The following SPINK4 variants were observed in gnomAD, a reference collection of about 807,000 sequenced individuals.
SPINK4 encodes the protein serine peptidase inhibitor Kazal type 4, also known as serine protease inhibitor Kazal-type 4.
In SPINK4, 10 loss-of-function variants were observed where a neutral mutation model predicts 12.3. The ratio of observed to expected loss-of-function variants is 0.81; its 90% CI spans 0.50 to 1.37. The LOEUF (loss-of-function observed/expected upper bound fraction) is 1.37. Among genes scored for constraint, SPINK4 ranks in the 40% most tolerant of loss-of-function variants. The pLI, the probability that SPINK4 is intolerant of heterozygous loss-of-function variation, is 0.00. For synonymous variants in SPINK4, 37 were observed against 40.2 expected, an observed-to-expected ratio of 0.92 and a Z score of 0.30; for missense variants, 91 against 109.0, an observed-to-expected ratio of 0.84 and a Z score of 0.73.
chr9:33,242,875 A>C (rs1285517372), intron 1 of SPINK4, among the ~76,000 whole-genome samples: 6 of 114,772 alleles, frequency 5.2e-5, no homozygotes, highest in African/African-American at 9.4e-5. Flanking sequence ...GTGCTCTGAC[A>C]CTTTTTTTTT....
At chr9:33,240,316 G>A (rs1820220010) in intron 1 of SPINK4, 47 bp downstream of exon 1, 2 of 1,545,190 alleles carry the variant, frequency 1.3e-6, no homozygotes, top group Non-Finnish European at 1.7e-6. Context: ...GTTGGTAGGT[G>A]AGCTTGGGGT....
intron 2 of SPINK4, 61 bp from the exon 3 acceptor site, chr9:33,246,555 C>T (rs1820286904): frequency 2.1e-6 from 3 of 1,458,124 alleles, no homozygotes; most frequent in Non-Finnish European, 2.9e-6. Context: ...GAGCAGAACC[C>T]CTGTATCCCT....
intron 2 of SPINK4, 30 bp downstream of exon 2, chr9:33,245,182 C>G: frequency 6.2e-7 from 1 of 1,609,748 alleles, no homozygotes. Flanking sequence ...TTCTCACCTT[C>G]TCTCTGCTGA....
intron 1 of SPINK4, among the ~76,000 whole-genome samples, chr9:33,244,507 C>A (rs544028969): frequency 2.0e-5 from 3 of 152,158 alleles, no homozygotes; most frequent in African/African-American, 7.2e-5. Context: ...CAGCTTTGGG[C>A]GAGGGGATCA....
In SPINK4 at chr9:33,243,819, C is replaced by T. The variant is rs1026319357; in HGVS notation, c.62-1293C>T. 5.3e-5 allele frequency among the ~76,000 whole-genome samples: 8 copies of T among 152,168 alleles called. No homozygotes were observed. In the South Asian group the frequency reaches 1.5e-3, roughly 28 times the overall value. On this transcript the variant is annotated intron_variant, in intron 1 of 3. Transcript: ENST00000379721. ...GTGACTTAGTCTAAGTTTCTGTTTC[C>T]CTCTCTCTGTGGAAATACCCTGTAA...
At chr9:33,247,947 G>A (rs1820302515) in intron 3 of SPINK4, 1 of 161,490 alleles carries the variant, frequency 6.2e-6, no homozygotes, top group Non-Finnish European at 1.4e-5. Context: ...GGAATTGACA[G>A]GCTTGGTATG....
chr9:33,246,458 G>C (rs1332207481), intron 2 of SPINK4, among the ~76,000 whole-genome samples, 158 bp from the exon 3 acceptor site: 1 of 152,098 alleles, frequency 6.6e-6, no homozygotes, highest in East Asian at 1.9e-4. Context: ...ACACACCAAG[G>C]GGCTCTGAGT....
At chr9:33,240,841 G>A (rs1283901561) in intron 1 of SPINK4, among the ~76,000 whole-genome samples, 2 of 152,202 alleles carry the variant, frequency 1.3e-5, no homozygotes. Context: ...GCACTGTTCT[G>A]AGCCCTTAAG....
At position 33,245,239 on chromosome 9, in the gene SPINK4, G is replaced by A. The variant is rs375296473; in HGVS notation, c.102+87G>A. ...TGAGAAACCAGTTATTCTTCTCCAC[G>A]ATCCTGCTCAGACACCTTCAATGGC... On this transcript the variant is annotated intron_variant, in intron 2 of 3. Transcript: ENST00000379721. 3,397 of 1,425,422 alleles carry A rather than the reference G, an allele frequency of 2.4e-3. 96 individuals carry two copies. In the South Asian group the frequency reaches 0.042, roughly 17 times the overall value. 88.3% of individuals were successfully genotyped at this position (1,425,422 alleles called of 1,614,324 possible). A position where few individuals can be genotyped will look rare whatever the true frequency, so the allele number is the denominator to read the frequency against.
chr9:33,246,164 G>C (rs1045596850), intron 2 of SPINK4, among the ~76,000 whole-genome samples: 2 of 152,186 alleles, frequency 1.3e-5, no homozygotes, highest in Non-Finnish European at 2.9e-5. Context: ...AGGCCAGGGA[G>C]AGTTCAGGAG....
intron 1 of SPINK4, among the ~76,000 whole-genome samples, 171 bp downstream of exon 1, chr9:33,240,440 G>T (rs968063588): frequency 6.6e-6 from 1 of 152,212 alleles, no homozygotes; most frequent in Non-Finnish European, 1.5e-5. Flanking sequence ...TGGGAGAAAA[G>T]AAACTTGGGT....
intron 2 of SPINK4, among the ~76,000 whole-genome samples, chr9:33,245,404 C>G (rs1820275733): frequency 6.6e-6 from 1 of 152,094 alleles, no homozygotes; most frequent in Non-Finnish European, 1.5e-5. Flanking sequence ...GTCCAAGGCC[C>G]CTTCCATCAG....
chr9:33,244,508 G>A (rs978460853), intron 1 of SPINK4, among the ~76,000 whole-genome samples: 5 of 152,210 alleles, frequency 3.3e-5, no homozygotes, highest in East Asian at 1.9e-4. Context: ...AGCTTTGGGC[G>A]AGGGGATCAG....
intron 1 of SPINK4, 128 bp from the exon 2 acceptor site, chr9:33,244,984 C>A: frequency 1.2e-6 from 1 of 835,536 alleles, no homozygotes; most frequent in Non-Finnish European, 1.9e-6. Context: ...TGGCTCATCA[C>A]CTTTCCTTGA....
intron 3 of SPINK4, 45 bp from the exon 4 acceptor site, chr9:33,248,381 C>T (rs747243760): frequency 5.0e-6 from 8 of 1,609,118 alleles, no homozygotes; most frequent in Admixed American, 3.3e-5. Flanking sequence ...TGGTACACTA[C>T]AGCTCCTGAG....
Position 33,248,406 on chromosome 9 carries a change from C to T in SPINK4, c.216-20C>T. 2 of 1,613,808 alleles carry T rather than the reference C, an allele frequency of 1.2e-6. No homozygotes were observed. The highest frequency in any genetic ancestry group is 1.7e-6 in the Non-Finnish European group (2 of 1,179,880). ...CAGCTCCTGAGAAGGTAGCCTCATG[C>T]CTGTCTTCTTTGATCCTAGAAAAAC... On this transcript the variant is annotated intron_variant, in intron 3 of 3. Coordinates refer to ENST00000379721, the MANE Select transcript of SPINK4 (RefSeq NM_014471.3).
chr9:33,242,043 C>G (rs1444797157), intron 1 of SPINK4, among the ~76,000 whole-genome samples: 1 of 152,130 alleles, frequency 6.6e-6, no homozygotes, highest in Non-Finnish European at 1.5e-5. Flanking sequence ...CCACACCCAA[C>G]TAATTTTTGT....
intron 1 of SPINK4, among the ~76,000 whole-genome samples, chr9:33,244,532 A>G (rs1302739818): frequency 6.6e-6 from 1 of 152,166 alleles, no homozygotes; most frequent in Non-Finnish European, 1.5e-5. Flanking sequence ...CTTTGTAACC[A>G]CATCAACCCG....
At position 33,246,716 on chromosome 9, in the gene SPINK4, G is replaced by C; in HGVS notation, c.203G>C (p.Cys68Ser). 4.3e-6 allele frequency: 7 copies of C among 1,613,924 alleles called. No individual in the cohort carries two copies. The highest frequency in any genetic ancestry group is 5.9e-6 in the Non-Finnish European group (7 of 1,179,964). The change falls in exon 3 of 4, where the codon TGC (cysteine) becomes TCC (serine). Residue 68 changes from cysteine (C) to serine (S), a missense_variant. Cys to Ser is a moderately radical substitution (Grantham distance 112, BLOSUM62 -1). Transcript: ENST00000379721. ...ACATATACGAATGAATGCCAGCTCT[G>C]CTTGGCCCGGATGTAAGTCTGCCCC... ...GLTYTNECQL[C>S]LARIKTKQDI...
Sources: allele counts gnomAD v4.1 joint callset (sites outside exome capture counted in the v4.1 genomes callset), GRCh38; gene constraint gnomAD v4.1.1; transcripts MANE v1.5; gene names NCBI Gene and HGNC (gene_info 2026-07-23, HGNC 2026-07-21).